The following GPHN variants were observed in gnomAD, a reference collection of about 807,000 sequenced individuals.
The protein encoded by GPHN is gephyrin.
Under a neutral mutation model 95.5 loss-of-function variants are expected in GPHN, and 17 were observed. That is an observed-to-expected ratio of 0.18 (90% CI 0.12 to 0.27). GPHN has a LOEUF of 0.27. GPHN is among the 10% of genes least tolerant of loss of function. The pLI is 1.00. For missense variants in GPHN, 660 were observed against 978.1 expected (o/e 0.67, Z 4.34); for synonymous variants, 320 against 322.5 (o/e 0.99, Z 0.08).
chr14:67,730,822 T>C, the GPHN span, among the ~76,000 whole-genome samples: 1 of 152,194 alleles, frequency 6.6e-6, no homozygotes, highest in Non-Finnish European at 1.5e-5. Context: ...CAGGCTGGTC[T>C]TGAACTCCTG....
At chr14:67,703,624 A>T in the GPHN span, among the ~76,000 whole-genome samples, 8 of 152,214 alleles carry the variant, frequency 5.3e-5, no homozygotes, top group African/African-American at 1.9e-4. Context: ...TAAGATGTGC[A>T]CAACAATGGG....
At chr14:66,514,170 A>G (rs1005824927) in intron 1 of GPHN, among the ~76,000 whole-genome samples, 7 of 152,128 alleles carry the variant, frequency 4.6e-5, no homozygotes, top group African/African-American at 1.4e-4. Flanking sequence ...AATTTAAATA[A>G]CTTTAATATT....
chr14:67,080,529 A>G (rs1377643199), intron 11 of GPHN, among the ~76,000 whole-genome samples: 2 of 151,828 alleles, frequency 1.3e-5, no homozygotes, highest in African/African-American at 4.8e-5. Context: ...TTCTAGTTTT[A>G]TAGTTTTAGG....
At chr14:67,670,769 G>A in the GPHN span, among the ~76,000 whole-genome samples, 13 of 152,014 alleles carry the variant, frequency 8.6e-5, no homozygotes, top group Non-Finnish European at 1.5e-4. Context: ...CTTGTGATCC[G>A]CCCGCCTAGG....
chr14:67,097,567 G>GCACA, intron 12 of GPHN, among the ~76,000 whole-genome samples: 1 of 150,634 alleles, frequency 6.6e-6, no homozygotes, highest in African/African-American at 2.4e-5. Flanking sequence ...CTACATACCT[G>GCACA]CACACACACA....
At chr14:66,933,521 C>G (rs2066936235) in intron 8 of GPHN, among the ~76,000 whole-genome samples, 1 of 152,180 alleles carries the variant, frequency 6.6e-6, no homozygotes, top group Admixed American at 6.5e-5. Flanking sequence ...CAATCTGAGG[C>G]ATGTGAAGCA....
At chr14:67,119,283 T>A (rs2078875096) in intron 16 of GPHN, among the ~76,000 whole-genome samples, 1 of 152,248 alleles carries the variant, frequency 6.6e-6, no homozygotes, top group Non-Finnish European at 1.5e-5. Flanking sequence ...AGTTGATGTT[T>A]CTGTTTTATT....
chr14:67,614,406 G>A, the GPHN span, among the ~76,000 whole-genome samples: 1 of 152,168 alleles, frequency 6.6e-6, no homozygotes, highest in African/African-American at 2.4e-5. Flanking sequence ...GCTAGAGCCT[G>A]CTCTTAGCAG....
At chr14:67,051,611 A>G (rs2153643731) in intron 10 of GPHN, among the ~76,000 whole-genome samples, 1 of 152,298 alleles carries the variant, frequency 6.6e-6, no homozygotes, top group South Asian at 2.1e-4. Flanking sequence ...AGAGAACCAC[A>G]GTAAGATACT....
chr14:67,495,572 T>A, the GPHN span, among the ~76,000 whole-genome samples: 2 of 151,838 alleles, frequency 1.3e-5, no homozygotes, highest in Non-Finnish European at 2.9e-5. Flanking sequence ...AACCTCCGCC[T>A]CCCAGATTCA....
chr14:67,732,483 T>G, the GPHN span, among the ~76,000 whole-genome samples: 1 of 145,232 alleles, frequency 6.9e-6, no homozygotes, highest in Admixed American at 7.1e-5. Flanking sequence ...CCCGGTTTTA[T>G]GTAAGAGAGA....
chr14:67,181,077 G>A lies in GPHN; in HGVS notation c.*140G>A. On this transcript the variant is annotated 3_prime_UTR_variant, in exon 23 of 23. Coordinates refer to ENST00000478722, the MANE Select transcript of GPHN (RefSeq NM_020806.5). Reference sequence around the variant, plus strand: ...CAACATCTTGAACTATATTTCAAATGAATTTAAATATCTTTTAAAGAAAAA... The same window carrying A: ...CAACATCTTGAACTATATTTCAAATAAATTTAAATATCTTTTAAAGAAAAA... 1 of 749,670 alleles carries A rather than the reference G, an allele frequency of 1.3e-6. No individual in the cohort carries two copies. The highest frequency in any genetic ancestry group is 1.7e-5 in the South Asian group (1 of 59,292). The allele number at this position is 749,670 out of a possible 1,614,324, so 46.4% of individuals were successfully genotyped here.
the GPHN span, among the ~76,000 whole-genome samples, chr14:67,260,876 G>A: frequency 5.3e-5 from 8 of 152,230 alleles, no homozygotes; most frequent in South Asian, 1.7e-3. Context: ...TCAGAAGACA[G>A]GGGAGGGAGA....
chr14:66,612,870 G>T (rs1277467998), intron 1 of GPHN, among the ~76,000 whole-genome samples: 1 of 152,018 alleles, frequency 6.6e-6, no homozygotes, highest in African/African-American at 2.4e-5. Flanking sequence ...TTATTGCTTG[G>T]AACAATAGTC....
intron 8 of GPHN, among the ~76,000 whole-genome samples, chr14:66,937,803 A>T (rs2067209693): frequency 6.6e-6 from 1 of 152,184 alleles, no homozygotes; most frequent in African/African-American, 2.4e-5. Context: ...TAAAAAAGTA[A>T]TTGCGGTTTT....
intron 3 of GPHN, among the ~76,000 whole-genome samples, chr14:66,810,134 C>T (rs1036231646): frequency 6.6e-6 from 1 of 151,870 alleles, no homozygotes; most frequent in Admixed American, 6.6e-5. Flanking sequence ...AATTATTATA[C>T]TTCTTTAACC....
At chr14:67,198,433 T>C in the GPHN span, 1 of 1,007,218 alleles carries the variant, frequency 9.9e-7, no homozygotes. Flanking sequence ...GAATGTGTGA[T>C]ACTACAAAAG....
intron 19 of GPHN, among the ~76,000 whole-genome samples, chr14:67,161,044 C>A (rs780374677): frequency 8.5e-5 from 13 of 152,120 alleles, no homozygotes; most frequent in Non-Finnish European, 1.6e-4. Context: ...TAATCCCCAA[C>A]ACTTTGGGAT....
At chr14:67,144,265 A>ATGTG in intron 18 of GPHN, among the ~76,000 whole-genome samples, 1 of 96,308 alleles carries the variant, frequency 1.0e-5, no homozygotes, top group Admixed American at 1.1e-4. Flanking sequence ...ATATATATAT[A>ATGTG]TATATATATA....
Sources: gnomAD v4.1 joint callset for allele counts (sites outside exome capture counted in the v4.1 genomes callset) on GRCh38, gnomAD v4.1.1 for gene constraint, MANE v1.5 for transcripts, NCBI Gene and HGNC (gene_info 2026-07-23, HGNC 2026-07-21) for gene names.